The following DCTN3 variants were observed in gnomAD, a reference collection of about 807,000 sequenced individuals.
The protein encoded by DCTN3 is dynactin subunit 3.
In DCTN3, 25 loss-of-function variants were observed where a neutral mutation model predicts 28.4. The observed-to-expected ratio is 0.88, with a 90% CI of 0.64 to 1.23. DCTN3 has a LOEUF of 1.23. DCTN3 is among the 50% of genes most tolerant of loss of function. DCTN3 has a pLI of 0.00. For synonymous variants in DCTN3, 81 were observed against 91.4 expected (o/e 0.89, Z 0.65); for missense variants, 229 against 232.0 (o/e 0.99, Z 0.08).
In DCTN3 at chr9:34,616,195, G is replaced by T; in HGVS notation, c.269-82C>A. On this transcript the variant is annotated intron_variant, in intron 3 of 6. Transcript: ENST00000259632. This position sits in a 1 kb window ranked among gnomAD's most constrained non-coding sequence, Gnocchi z 4.7. ...AGCCCATGTAAGGGCCTGAGGACCT[G>T]GCAAGGGAGATGGCTAGGTCCTAGA... 9.6e-7 allele frequency: 1 copy of T among 1,043,636 alleles called. No homozygotes were observed. The highest frequency in any genetic ancestry group is 1.5e-6 in the Non-Finnish European group (1 of 680,294). 64.6% of individuals were successfully genotyped at this position (1,043,636 alleles called of 1,614,324 possible). A position where few individuals can be genotyped will look rare whatever the true frequency, so the allele number is the denominator to read the frequency against.
chr9:34,615,929 C>A, intron 4 of DCTN3, 101 bp downstream of exon 4: 2 of 917,114 alleles, frequency 2.2e-6, no homozygotes, highest in Non-Finnish European at 1.7e-6. Context: ...AAGGAACAGA[C>A]CCAACCCGAA....
At chr9:34,620,069 T>C (rs543843193) in intron 1 of DCTN3, among the ~76,000 whole-genome samples, 4 of 152,298 alleles carry the variant, frequency 2.6e-5, no homozygotes, top group Non-Finnish European at 4.4e-5. Context: ...TCAGCTCTTA[T>C]TGAAACTCTC....
Position 34,614,213 on chromosome 9 carries a change from G to A in DCTN3, c.412-112C>T, listed in dbSNP as rs749810199. 26 of 1,595,268 alleles carry A rather than the reference G, an allele frequency of 1.6e-5. 2 individuals carry two copies. In the South Asian group the frequency reaches 1.9e-4, roughly 12 times the overall value. On this transcript the variant is annotated intron_variant, in intron 5 of 6. Coordinates refer to ENST00000259632, the MANE Select transcript of DCTN3 (RefSeq NM_007234.5). ...CCCCATGGAGCCTAAAAAAGATGAC[G>A]CTTAACCCCAAAGCCAAAGGAGCAA...
In DCTN3 at chr9:34,614,759, T is replaced by G. The variant is rs1378053351; in HGVS notation, c.362A>C (p.Glu121Ala). 1 of 1,614,052 alleles carries G rather than the reference T, an allele frequency of 6.2e-7. No individual in the cohort carries two copies. The highest frequency in any genetic ancestry group is 8.5e-7 in the Non-Finnish European group (1 of 1,180,024). Reference sequence around the variant, plus strand: ...CAAGCGCTGCAGGCGGGCAGCATGCTCAGGAACGGCTGTAAAACACAACAC... The same window carrying G: ...CAAGCGCTGCAGGCGGGCAGCATGCGCAGGAACGGCTGTAAAACACAACAC... ...LDSAHIKAVP[E>A]HAARLQRLAQ... Residue 121 changes from glutamate (E) to alanine (A), a missense_variant, in exon 5 of 7, where the codon GAG (glutamate) becomes GCG (alanine). Transcript: ENST00000259632.
At chr9:34,619,548 G>C (rs780238771) in intron 1 of DCTN3, among the ~76,000 whole-genome samples, 4 of 152,178 alleles carry the variant, frequency 2.6e-5, no homozygotes, top group Non-Finnish European at 4.4e-5. Flanking sequence ...GGAATGCCAG[G>C]GGGGAGGCAA....
In DCTN3 at chr9:34,613,797, C is replaced by A; in HGVS notation, c.546G>T (p.Lys182Asn). Reference protein sequence around the residue: ...LCQLEAATQVKPAEE With the variant: ...LCQLEAATQVNPAEE ...GGAGCAGCTATCACTCCTCTGCTGGCTTCACTTGCGTGGCGGCCTCTAGCT... is the reference window on the plus strand; with the variant it reads ...GGAGCAGCTATCACTCCTCTGCTGGATTCACTTGCGTGGCGGCCTCTAGCT... Residue 182 changes from lysine (K) to asparagine (N), a missense_variant, in exon 7 of 7, where the codon AAG (lysine) becomes AAT (asparagine). By Grantham distance (94) the Lys-to-Asn change is moderately conservative (BLOSUM62 0). Transcript: ENST00000259632. 1 of 1,614,010 alleles carries A rather than the reference C, an allele frequency of 6.2e-7. No homozygotes were observed. Among genetic ancestry groups the A allele is most frequent in the East Asian group, 2.2e-5 (1 of 44,886 alleles).
At chr9:34,618,086 C>A in intron 2 of DCTN3, 115 bp from the exon 3 acceptor site, 2 of 954,962 alleles carry the variant, frequency 2.1e-6, no homozygotes, top group South Asian at 3.3e-5. Context: ...GGAGCTGATA[C>A]CCAACAGTGC....
At position 34,614,779 on chromosome 9, in the gene DCTN3, C is replaced by T. The variant is rs1820385638; in HGVS notation, c.353-11G>A. 1 of 1,613,828 alleles carries T rather than the reference C, an allele frequency of 6.2e-7. No homozygotes were observed. Among genetic ancestry groups the T allele is most frequent in the African/African-American group, 1.3e-5 (1 of 74,942 alleles). ...CATGCTCAGGAACGGCTGTAAAACA[C>T]AACACACACTGCTGGATGATGCTTG... On this transcript the variant is annotated splice_polypyrimidine_tract_variant and intron_variant, in intron 4 of 6. Coordinates refer to ENST00000259632, the MANE Select transcript of DCTN3 (RefSeq NM_007234.5).
In DCTN3 at chr9:34,618,756, G is replaced by T; in HGVS notation, c.101C>A (p.Ala34Asp). ...PGGARGSRKV[A>D]DGLVKVQVAL... Reference sequence around the variant, plus strand: ...CACCTGCACCTTGACCAGGCCGTCAGCCACCTGTAAGGGAAGTGGTGGTTA... The same window carrying T: ...CACCTGCACCTTGACCAGGCCGTCATCCACCTGTAAGGGAAGTGGTGGTTA... The change falls in exon 2 of 7, where the codon GCT becomes GAT. Residue 34 changes from alanine to aspartate, a missense_variant. Transcript: ENST00000259632. The T allele has an allele frequency of 6.2e-7, 1 of 1,613,960 alleles. No homozygotes were observed. The highest frequency in any genetic ancestry group is 8.5e-7 in the Non-Finnish European group (1 of 1,179,802).
At chr9:34,620,340 G>A in intron 1 of DCTN3, 29 bp downstream of exon 1, 1 of 1,605,432 alleles carries the variant, frequency 6.2e-7, no homozygotes, top group Non-Finnish European at 8.5e-7. Context: ...CTCTGCTCCA[G>A]AAAGGGACTA....
intron 1 of DCTN3, among the ~76,000 whole-genome samples, chr9:34,620,101 G>A (rs1820518175): frequency 6.6e-6 from 1 of 152,128 alleles, no homozygotes; most frequent in South Asian, 2.1e-4. Flanking sequence ...TCTCGTGTCA[G>A]GTCTCCCCAA....
Position 34,616,175 on chromosome 9 carries a change from A to G in DCTN3, c.269-62T>C. The stretch of plus-strand genomic sequence containing the variant: ...AAACCTGGGCATTGCTAATCAGCCC[A>G]TGTAAGGGCCTGAGGACCTGGCAAG... On this transcript the variant is annotated intron_variant, in intron 3 of 6. Coordinates refer to ENST00000259632, the MANE Select transcript of DCTN3 (RefSeq NM_007234.5). The surrounding 1 kb of genome is among the most constrained non-coding windows in gnomAD (Gnocchi z 4.7). The G allele has an allele frequency of 2.2e-6, 3 of 1,359,086 alleles. No homozygotes were observed. Among genetic ancestry groups the G allele is most frequent in the South Asian group, 1.2e-5 (1 of 84,170 alleles). 84.2% of individuals were successfully genotyped at this position (1,359,086 alleles called of 1,614,324 possible). A position where few individuals can be genotyped will look rare whatever the true frequency, so the allele number is the denominator to read the frequency against.
chr9:34,617,795 C>G, intron 3 of DCTN3, 90 bp downstream of exon 3: 2 of 1,573,854 alleles, frequency 1.3e-6, no homozygotes, highest in Non-Finnish European at 1.7e-6. Flanking sequence ...TTGTATCCAC[C>G]AGAAGACTGG....
intron 1 of DCTN3, among the ~76,000 whole-genome samples, chr9:34,618,990 G>T (rs912434933): frequency 1.2e-4 from 19 of 152,162 alleles, no homozygotes; most frequent in African/African-American, 4.6e-4. Context: ...GGAAGATAAC[G>T]AACTATTTTA....
At chr9:34,614,302 G>A (rs910868268) in intron 5 of DCTN3, 19 of 1,229,042 alleles carry the variant, frequency 1.5e-5, no homozygotes, top group Non-Finnish European at 2.0e-5. Flanking sequence ...AAGACGGATG[G>A]AAAAGGGAGT....
At chr9:34,614,350 C>T (rs1433081058) in intron 5 of DCTN3, 1 of 762,154 alleles carries the variant, frequency 1.3e-6, no homozygotes, top group South Asian at 2.0e-5. Flanking sequence ...TAGTGTATGT[C>T]TCTTCTTCTG....
At chr9:34,615,900 A>AG in intron 4 of DCTN3, 130 bp downstream of exon 4, 2 of 114,848 alleles carry the variant, frequency 1.7e-5, no homozygotes, top group Non-Finnish European at 2.6e-5. Flanking sequence ...GACTCTGTCC[A>AG]AAAAAAAAAA....
In DCTN3 at chr9:34,614,982, C is replaced by T. The variant is rs1467337436; in HGVS notation, c.353-214G>A. On this transcript the variant is annotated intron_variant, in intron 4 of 6. Transcript: ENST00000259632. ...CATAGGGGAGGGGAAGATACATGTC[C>T]CGAGGAGAAGACAAAACCTTGGGGT... 3 of 582,040 alleles carry T rather than the reference C, an allele frequency of 5.2e-6. No homozygotes were observed. The East Asian group carries it at 8.8e-5, about 17-fold the overall frequency. 36.1% of individuals were successfully genotyped at this position (582,040 alleles called of 1,614,324 possible).
chr9:34,618,687 A>G lies in DCTN3; in HGVS notation c.170T>C (p.Leu57Pro). Residue 57 changes from leucine (L) to proline (P), a missense_variant, in exon 2 of 7, where the codon CTC becomes CCC. By Grantham distance (98) the Leu-to-Pro change is moderately conservative (BLOSUM62 -3). Transcript: ENST00000259632. ...ATGGAAGCACTTACTCTTTTTGTAG[A>G]GAATCTTCACCCTCTCCCTCTTGCT... is the stretch of plus-strand genomic sequence containing the variant. ...ISSKRERVKI[L>P]YKKIEDLIKY... is the part of the protein sequence containing the mutation. 6 of 1,614,064 alleles carry G rather than the reference A, an allele frequency of 3.7e-6. No individual in the cohort carries two copies. The highest frequency in any genetic ancestry group is 5.1e-6 in the Non-Finnish European group (6 of 1,179,926).
Sources: allele counts gnomAD v4.1 joint callset (sites outside exome capture counted in the v4.1 genomes callset), GRCh38; gene constraint gnomAD v4.1.1; non-coding constraint Gnocchi (gnomAD v3.1); transcripts MANE v1.5; gene names NCBI Gene and HGNC (gene_info 2026-07-23, HGNC 2026-07-21).